The following MYOCD variants were observed in gnomAD, a reference collection of about 807,000 sequenced individuals.
MYOCD encodes the protein myocardin.
Under a neutral mutation model 96.1 loss-of-function variants are expected in MYOCD, and 32 were observed. The ratio of observed to expected loss-of-function variants is 0.33; its 90% CI spans 0.25 to 0.45. The LOEUF is 0.45. Among genes scored for constraint, MYOCD ranks in the 20% least tolerant of loss-of-function variants. The pLI is 1.00. For synonymous variants in MYOCD, 469 were observed against 469.0 expected, an observed-to-expected ratio of 1.00 and a Z score of 0.00; for missense variants, 1,133 against 1,200.6, an observed-to-expected ratio of 0.94 and a Z score of 0.83.
At chr17:12,712,257 G>A (rs966164987) in intron 2 of MYOCD, among the ~76,000 whole-genome samples, 1 of 152,152 alleles carries the variant, frequency 6.6e-6, no homozygotes, top group South Asian at 2.1e-4. Flanking sequence ...CCAAGTCTCT[G>A]GCTCTTTAAT....
intron 1 of MYOCD, among the ~76,000 whole-genome samples, chr17:12,691,499 G>T (rs2150656149): frequency 6.6e-6 from 1 of 152,240 alleles, no homozygotes; most frequent in East Asian, 1.9e-4. Flanking sequence ...GCTTCAGAAA[G>T]AAAACGGTAC....
chr17:12,748,639 T>C (rs988143233), intron 9 of MYOCD, among the ~76,000 whole-genome samples: 4 of 152,210 alleles, frequency 2.6e-5, no homozygotes, highest in Non-Finnish European at 2.9e-5. Context: ...AAGTTTAAGG[T>C]AAATTAAACT....
At chr17:12,685,596 G>A (rs11650831) in intron 1 of MYOCD, among the ~76,000 whole-genome samples, 106 of 119,334 alleles carry the variant, frequency 8.9e-4, no homozygotes, top group Admixed American at 2.7e-3. Context: ...GACAGATTGA[G>A]ACTGGCTTAA....
chr17:12,754,061 G>GGTGTGTGTGT (rs71144923), intron 10 of MYOCD, among the ~76,000 whole-genome samples: 21,142 of 149,362 alleles, frequency 0.14, 1,837 homozygotes, highest in Middle Eastern at 0.19. Flanking sequence ...AAAGCAAAGA[G>GGTGTGTGTGT]GTGTGTGTGT....
chr17:12,721,153 C>A (rs2031823908), intron 4 of MYOCD, among the ~76,000 whole-genome samples: 1 of 149,408 alleles, frequency 6.7e-6, no homozygotes. Flanking sequence ...ATGCTATAAT[C>A]AAAAAACATA....
intron 7 of MYOCD, 149 bp downstream of exon 7, chr17:12,739,477 A>C: frequency 3.6e-6 from 3 of 828,612 alleles, no homozygotes; most frequent in Non-Finnish European, 5.1e-6. Flanking sequence ...GGGTCACAAA[A>C]CAGGAGATGA....
chr17:12,704,258 T>A (rs1669977671), intron 1 of MYOCD, among the ~76,000 whole-genome samples: 1 of 152,146 alleles, frequency 6.6e-6, no homozygotes, highest in Non-Finnish European at 1.5e-5. Context: ...AAATGGAATA[T>A]CCATGAGGAG....
At chr17:12,749,549 TATGTATATAC>T (rs1040887295) in intron 9 of MYOCD, among the ~76,000 whole-genome samples, 2 of 148,768 alleles carry the variant, frequency 1.3e-5, no homozygotes, top group African/African-American at 4.9e-5. Flanking sequence ...TATATATATG[TATGTATATAC>T]ATATGTATAT....
intron 1 of MYOCD, among the ~76,000 whole-genome samples, chr17:12,690,601 C>T (rs370658782): frequency 2.3e-4 from 35 of 152,194 alleles, no homozygotes; most frequent in African/African-American, 8.2e-4. Context: ...AAAATGGTCT[C>T]ATTTTTGCAT....
chr17:12,742,607 A>G (rs1163835384), intron 7 of MYOCD, among the ~76,000 whole-genome samples: 3 of 151,108 alleles, frequency 2.0e-5, no homozygotes, highest in African/African-American at 7.3e-5. Flanking sequence ...GTCTCGCTCT[A>G]TCACCCAGGC....
intron 5 of MYOCD, among the ~76,000 whole-genome samples, chr17:12,730,803 C>A (rs1169793330): frequency 6.6e-6 from 1 of 152,174 alleles, no homozygotes; most frequent in Non-Finnish European, 1.5e-5. Flanking sequence ...GGCCAGCTCA[C>A]AGGTTGATAA....
chr17:12,747,440 G>A (rs1360633079), intron 9 of MYOCD, among the ~76,000 whole-genome samples: 1 of 152,078 alleles, frequency 6.6e-6, no homozygotes, highest in African/African-American at 2.4e-5. Context: ...AAGTCAAGTC[G>A]CGGGTACCAG....
chr17:12,675,774 G>A (rs1331614065), intron 1 of MYOCD, among the ~76,000 whole-genome samples: 1 of 152,168 alleles, frequency 6.6e-6, no homozygotes, highest in African/African-American at 2.4e-5. Flanking sequence ...CAGGAGAATC[G>A]CTTGAACCCA....
chr17:12,723,832 T>C (rs1199684115), intron 5 of MYOCD, among the ~76,000 whole-genome samples: 2 of 152,224 alleles, frequency 1.3e-5, no homozygotes, highest in African/African-American at 4.8e-5. Context: ...TTTAAATGTT[T>C]TGACACATTG....
chr17:12,718,200 C>T (rs1404542430), intron 4 of MYOCD, among the ~76,000 whole-genome samples: 1 of 152,174 alleles, frequency 6.6e-6, no homozygotes, highest in Non-Finnish European at 1.5e-5. Flanking sequence ...TTTGTGCCCT[C>T]AGAGGGTCTC....
chr17:12,749,534 T>TTATATATATATA (rs56853262), intron 9 of MYOCD, among the ~76,000 whole-genome samples: 7 of 144,844 alleles, frequency 4.8e-5, no homozygotes, highest in Non-Finnish European at 1.1e-4. Flanking sequence ...GTCTCAAAAC[T>TTATATATATATA]TATATATATA....
At chr17:12,687,590 A>C (rs1242788225) in intron 1 of MYOCD, among the ~76,000 whole-genome samples, 1 of 152,234 alleles carries the variant, frequency 6.6e-6, no homozygotes, top group Non-Finnish European at 1.5e-5. Context: ...TATTAAGTAT[A>C]TAATAAACAG....
chr17:12,729,396 C>T (rs990787941), intron 5 of MYOCD, among the ~76,000 whole-genome samples: 18 of 151,962 alleles, frequency 1.2e-4, no homozygotes, highest in African/African-American at 3.9e-4. Context: ...CTGCCTCTGC[C>T]GCCCTGTGAA....
At chr17:12,687,164 T>G (rs1352178429) in intron 1 of MYOCD, among the ~76,000 whole-genome samples, 3 of 151,990 alleles carry the variant, frequency 2.0e-5, no homozygotes, top group Non-Finnish European at 4.4e-5. Flanking sequence ...TCCATGCTAT[T>G]TTTTTTTCTT....
Sources: gnomAD v4.1 joint callset for allele counts (sites outside exome capture counted in the v4.1 genomes callset) on GRCh38, gnomAD v4.1.1 for gene constraint, MANE v1.5 for transcripts, NCBI Gene and HGNC (gene_info 2026-07-23, HGNC 2026-07-21) for gene names.